Variants in CAST observed in about 807,000 individuals in gnomAD.
CAST encodes calpastatin.
A neutral mutation model predicts 119.6 loss-of-function variants in CAST; 76 were observed. The ratio of observed to expected loss-of-function variants is 0.64; its 90% CI spans 0.53 to 0.77. The LOEUF (loss-of-function observed/expected upper bound fraction) is 0.77, where lower values mean the gene tolerates loss of function less well. Ranked by LOEUF, CAST falls within the 30% of genes least tolerant of loss-of-function variation. The pLI is 0.00. For synonymous variants in CAST, 319 were observed against 331.6 expected, an observed-to-expected ratio of 0.96 and a Z score of 0.41; for missense variants, 953 against 946.5, an observed-to-expected ratio of 1.01 and a Z score of -0.09.
the CAST span, among the ~76,000 whole-genome samples, chr5:96,191,849 T>C: frequency 6.6e-6 from 1 of 152,348 alleles, no homozygotes; most frequent in South Asian, 2.1e-4. Context: ...ATTACAGGCG[T>C]GTGCCACTGG....
intron 4 of CAST, among the ~76,000 whole-genome samples, chr5:96,723,116 TTTTGTTTGTTTG>T (rs1554086264): frequency 6.6e-6 from 1 of 152,008 alleles, no homozygotes; most frequent in Admixed American, 6.6e-5. Flanking sequence ...CTAATTGTTT[TTTTGTTTGTTTG>T]TTTGTTTGTT....
At chr5:96,657,990 A>G (rs1295002256), upstream of CAST, among the ~76,000 whole-genome samples, 4 of 152,128 alleles carry the variant, frequency 2.6e-5, no homozygotes, top group Non-Finnish European at 5.9e-5. Context: ...CCAGCTACTC[A>G]GGAGGCTGAG....
chr5:96,310,014 A>C, the CAST span, among the ~76,000 whole-genome samples: 308 of 152,344 alleles, frequency 2.0e-3, no homozygotes, highest in African/African-American at 6.8e-3. Context: ...TAGATTCTAG[A>C]GGAAAGGGTT....
At chr5:96,002,673 G>A in the CAST span, among the ~76,000 whole-genome samples, 1 of 152,130 alleles carries the variant, frequency 6.6e-6, no homozygotes, top group Non-Finnish European at 1.5e-5. Context: ...AACTCTCCAT[G>A]CCCACATGGA....
chr5:96,327,880 T>A, the CAST span, among the ~76,000 whole-genome samples: 1 of 152,188 alleles, frequency 6.6e-6, no homozygotes, highest in African/African-American at 2.4e-5. Flanking sequence ...TTGGGCATTT[T>A]AAATTACATC....
At chr5:95,968,383 T>C in the CAST span, among the ~76,000 whole-genome samples, 3 of 152,244 alleles carry the variant, frequency 2.0e-5, no homozygotes, top group Non-Finnish European at 1.5e-5. Flanking sequence ...ACCCTTGGTA[T>C]AACAAATATG....
the CAST span, among the ~76,000 whole-genome samples, chr5:96,079,823 A>C: frequency 6.6e-6 from 1 of 152,204 alleles, no homozygotes. Flanking sequence ...TATCAGCACA[A>C]ATAGCTTTAT....
the CAST span, among the ~76,000 whole-genome samples, chr5:96,259,340 T>C: frequency 6.6e-6 from 1 of 152,152 alleles, no homozygotes; most frequent in African/African-American, 2.4e-5. Context: ...ACAGGAAGGA[T>C]TGGCAGGGAA....
At chr5:96,705,332 TAAAGAAAAA>T (rs1273449250) in intron 3 of CAST, among the ~76,000 whole-genome samples, 2 of 147,638 alleles carry the variant, frequency 1.4e-5, no homozygotes, top group East Asian at 3.9e-4. Context: ...AATATATATA[TAAAGAAAAA>T]AAAGAAAAAA....
the CAST span, among the ~76,000 whole-genome samples, chr5:96,163,365 G>A: frequency 9.2e-5 from 14 of 151,994 alleles, no homozygotes; most frequent in African/African-American, 3.1e-4. Flanking sequence ...TGATTTTGTC[G>A]ATCTTCTCTA....
the CAST span, among the ~76,000 whole-genome samples, chr5:96,281,714 C>T: frequency 6.6e-6 from 1 of 152,116 alleles, no homozygotes; most frequent in Non-Finnish European, 1.5e-5. Context: ...GCAACTGTTT[C>T]TTAAAAAAGG....
the CAST span, among the ~76,000 whole-genome samples, chr5:96,341,674 G>T: frequency 6.6e-6 from 1 of 151,988 alleles, no homozygotes. Flanking sequence ...ACTTCAAGTG[G>T]AAAACCAGTA....
the CAST span, among the ~76,000 whole-genome samples, chr5:96,120,718 T>C: frequency 1.4e-5 from 2 of 147,540 alleles, no homozygotes; most frequent in East Asian, 3.9e-4. Flanking sequence ...CATTATTATA[T>C]GTATATAATA....
the CAST span, chr5:96,394,856 A>C: frequency 1.9e-5 from 30 of 1,613,812 alleles, no homozygotes; most frequent in Admixed American, 6.7e-5. Flanking sequence ...GAACAGAGCC[A>C]CACAGACCTC....
intron 1 of CAST, among the ~76,000 whole-genome samples, chr5:96,662,803 T>G (rs2150214606): frequency 6.6e-6 from 1 of 152,072 alleles, no homozygotes; most frequent in East Asian, 1.9e-4. Context: ...GGGAATGAGG[T>G]TCACTCAGGA....
At chr5:96,395,522 C>T in the CAST span, among the ~76,000 whole-genome samples, 4 of 152,168 alleles carry the variant, frequency 2.6e-5, no homozygotes, top group East Asian at 7.7e-4. Context: ...AACCATCATT[C>T]TCAGCAAACC....
At chr5:96,392,600 A>T in the CAST span, 8 of 205,552 alleles carry the variant, frequency 3.9e-5, no homozygotes, top group Non-Finnish European at 5.9e-5. Context: ...CAAGCTACAG[A>T]AACAGTTTCT....
chr5:96,022,043 T>C, the CAST span, among the ~76,000 whole-genome samples: 1 of 152,200 alleles, frequency 6.6e-6, no homozygotes, highest in East Asian at 1.9e-4. Flanking sequence ...TAATAATTAT[T>C]TACATAGCAT....
chr5:96,228,792 GT>G, the CAST span, among the ~76,000 whole-genome samples: 1 of 152,054 alleles, frequency 6.6e-6, no homozygotes, highest in Non-Finnish European at 1.5e-5. Context: ...CCTGAAAGGT[GT>G]TTTTAAGAAC....
Sources: allele counts gnomAD v4.1 joint callset (sites outside exome capture counted in the v4.1 genomes callset), GRCh38; gene constraint gnomAD v4.1.1; transcripts MANE v1.5; gene names NCBI Gene and HGNC (gene_info 2026-07-23, HGNC 2026-07-21).